Variants in GNG12 observed in about 807,000 individuals in gnomAD.
GNG12 encodes the protein guanine nucleotide-binding protein G(I)/G(S)/G(O) subunit gamma-12.
For missense variants in GNG12, 69 were observed against 83.8 expected, an observed-to-expected ratio of 0.82 and a Z score of 0.69; for synonymous variants, 28 against 29.7, an observed-to-expected ratio of 0.94 and a Z score of 0.19.
chr1:67,736,500 C>G (rs931180718), intron 2 of GNG12, among the ~76,000 whole-genome samples: 1 of 152,168 alleles, frequency 6.6e-6, no homozygotes, highest in Non-Finnish European at 1.5e-5. Context: ...TAAATGAACC[C>G]TGTGCTGGGG....
At chr1:67,833,066 C>T (rs1647059671) in intron 1 of GNG12, among the ~76,000 whole-genome samples, 1 of 151,600 alleles carries the variant, frequency 6.6e-6, no homozygotes, top group Non-Finnish European at 1.5e-5. Context: ...GGCCGCCCGT[C>T]GAGGGCGCGC....
intron 2 of GNG12, among the ~76,000 whole-genome samples, chr1:67,750,270 C>G (rs989335544): frequency 5.3e-5 from 8 of 152,168 alleles, no homozygotes; most frequent in African/African-American, 1.9e-4. Context: ...TGGTGTGCCT[C>G]TGGGGGATTA....
At chr1:67,789,193 G>C (rs1427993497) in intron 1 of GNG12, among the ~76,000 whole-genome samples, 1 of 152,170 alleles carries the variant, frequency 6.6e-6, no homozygotes, top group Middle Eastern at 3.2e-3. Flanking sequence ...CCGCTATTAA[G>C]TCCCGATTCA....
chr1:67,729,999 T>TACAC (rs1646409512), intron 2 of GNG12, among the ~76,000 whole-genome samples: 1 of 152,216 alleles, frequency 6.6e-6, no homozygotes, highest in Non-Finnish European at 1.5e-5. Flanking sequence ...AACAGAAATG[T>TACAC]GTACCTATTT....
At chr1:67,751,046 A>C (rs920374175) in intron 2 of GNG12, among the ~76,000 whole-genome samples, 3 of 152,088 alleles carry the variant, frequency 2.0e-5, no homozygotes, top group Non-Finnish European at 4.4e-5. Context: ...AATATTTTTC[A>C]CCAGTTTTTA....
At chr1:67,829,999 A>AG (rs1279803152) in intron 1 of GNG12, among the ~76,000 whole-genome samples, 4 of 122,314 alleles carry the variant, frequency 3.3e-5, no homozygotes, top group African/African-American at 1.2e-4. Flanking sequence ...TTAAAGATGG[A>AG]GGCTTTTTTT....
chr1:67,802,712 A>G (rs1300339842), intron 1 of GNG12, among the ~76,000 whole-genome samples: 1 of 152,082 alleles, frequency 6.6e-6, no homozygotes, highest in Non-Finnish European at 1.5e-5. Context: ...GCACACACAC[A>G]CTACCCTCTG....
chr1:67,743,669 T>C (rs1189432794), intron 2 of GNG12, among the ~76,000 whole-genome samples: 1 of 152,228 alleles, frequency 6.6e-6, no homozygotes, highest in Non-Finnish European at 1.5e-5. Context: ...GCCCTATTTA[T>C]GGCATATATT....
intron 1 of GNG12, among the ~76,000 whole-genome samples, chr1:67,820,909 T>C (rs1161377220): frequency 6.6e-6 from 1 of 152,242 alleles, no homozygotes; most frequent in South Asian, 2.1e-4. Context: ...ATAAGTTTAA[T>C]TGATATTAAA....
chr1:67,743,194 G>A (rs1646491942), intron 2 of GNG12, among the ~76,000 whole-genome samples: 1 of 152,184 alleles, frequency 6.6e-6, no homozygotes, highest in Admixed American at 6.5e-5. Flanking sequence ...AGGAGAATAG[G>A]AGTAGGGGCA....
chr1:67,763,018 T>A (rs1049659367), intron 2 of GNG12, among the ~76,000 whole-genome samples: 1 of 150,370 alleles, frequency 6.7e-6, no homozygotes, highest in Non-Finnish European at 1.5e-5. Context: ...ACTTAGAGAA[T>A]AGTCGCAAAG....
At chr1:67,728,825 AC>A (rs1646402166) in intron 2 of GNG12, among the ~76,000 whole-genome samples, 1 of 151,894 alleles carries the variant, frequency 6.6e-6, no homozygotes, top group Non-Finnish European at 1.5e-5. Context: ...CCACACAGAA[AC>A]CCCTCCTTTA....
intron 2 of GNG12, among the ~76,000 whole-genome samples, chr1:67,757,298 T>G (rs1258401791): frequency 6.6e-6 from 1 of 152,164 alleles, no homozygotes; most frequent in African/African-American, 2.4e-5. Flanking sequence ...GTCATGTCAG[T>G]GCTCAAAAAA....
At chr1:67,811,283 G>A (rs1484868884) in intron 1 of GNG12, among the ~76,000 whole-genome samples, 1 of 152,172 alleles carries the variant, frequency 6.6e-6, no homozygotes, top group Non-Finnish European at 1.5e-5. Context: ...AGAGCTCGAT[G>A]TGTGCCTTCG....
intron 2 of GNG12, among the ~76,000 whole-genome samples, chr1:67,744,041 G>T (rs1557602833): frequency 1.3e-5 from 2 of 152,206 alleles, no homozygotes; most frequent in South Asian, 4.1e-4. Context: ...GGCATTGCTT[G>T]AGTGATGATG....
chr1:67,810,334 C>T (rs1646917935), intron 1 of GNG12, among the ~76,000 whole-genome samples: 1 of 152,156 alleles, frequency 6.6e-6, no homozygotes, highest in Non-Finnish European at 1.5e-5. Flanking sequence ...CTGGTGAATA[C>T]ATGTCATCAT....
intron 2 of GNG12, among the ~76,000 whole-genome samples, chr1:67,733,435 C>T (rs1297847356): frequency 2.0e-5 from 3 of 152,238 alleles, no homozygotes; most frequent in Middle Eastern, 3.4e-3. Context: ...ATCATATACA[C>T]GTGCACGTAT....
intron 1 of GNG12, among the ~76,000 whole-genome samples, chr1:67,787,036 AGT>A (rs56084524): frequency 0.042 from 5,547 of 131,364 alleles, 194 homozygotes; most frequent in Non-Finnish European, 0.054. Context: ...TATGTGTATA[AGT>A]GTGTGTGTGT....
chr1:67,734,788 C>T (rs1646442598), intron 2 of GNG12, among the ~76,000 whole-genome samples: 1 of 152,124 alleles, frequency 6.6e-6, no homozygotes, highest in Non-Finnish European at 1.5e-5. Flanking sequence ...CAGGGTCTGG[C>T]TCTAGTTGCT....
Sources: gnomAD v4.1 joint callset for allele counts (sites outside exome capture counted in the v4.1 genomes callset) on GRCh38, gnomAD v4.1.1 for gene constraint, MANE v1.5 for transcripts, NCBI Gene and HGNC (gene_info 2026-07-23, HGNC 2026-07-21) for gene names.